The following SKAP1 variants were observed in gnomAD, a reference collection of about 807,000 sequenced individuals.
SKAP1 encodes the protein src kinase associated phosphoprotein 1, also known as src kinase-associated phosphoprotein 1.
Under a neutral mutation model 58.5 loss-of-function variants are expected in SKAP1, and 44 were observed. The observed-to-expected ratio is 0.75, with a 90% CI of 0.59 to 0.97. The LOEUF (loss-of-function observed/expected upper bound fraction) is 0.97. Ranked by LOEUF, SKAP1 falls within the 50% of genes least tolerant of loss-of-function variation. The pLI is 0.00. For synonymous variants in SKAP1, 127 were observed against 149.7 expected (o/e 0.85, Z 1.11); for missense variants, 390 against 435.2 (o/e 0.90, Z 0.92).
chr17:48,230,640 C>T (rs951740910), intron 4 of SKAP1, among the ~76,000 whole-genome samples: 3 of 151,984 alleles, frequency 2.0e-5, no homozygotes, highest in South Asian at 2.1e-4. Context: ...CCTGTAGTCT[C>T]ATCTACTTGG....
intron 2 of SKAP1, among the ~76,000 whole-genome samples, chr17:48,390,653 T>G (rs2067333015): frequency 6.6e-6 from 1 of 152,196 alleles, no homozygotes; most frequent in Admixed American, 6.5e-5. Context: ...ACTGTAAGGG[T>G]GCAAGTTCAG....
At chr17:48,226,853 C>T (rs1464639317) in intron 4 of SKAP1, among the ~76,000 whole-genome samples, 3 of 152,140 alleles carry the variant, frequency 2.0e-5, no homozygotes, top group Non-Finnish European at 4.4e-5. Flanking sequence ...TGAGCTCGCA[C>T]CCTCCACCAA....
intron 5 of SKAP1, 90 bp from the exon 6 acceptor site, chr17:48,188,016 T>A (rs967067447): frequency 1.6e-5 from 15 of 911,534 alleles, no homozygotes; most frequent in Non-Finnish European, 2.6e-5. Flanking sequence ...TCCAGTGTGT[T>A]ATTGTTTTAT....
chr17:48,154,545 C>T (rs1242962047), intron 11 of SKAP1, among the ~76,000 whole-genome samples: 2 of 152,128 alleles, frequency 1.3e-5, no homozygotes, highest in Admixed American at 1.3e-4. Context: ...TTGGAAGAGC[C>T]TCAGACCAAT....
At chr17:48,393,501 G>C (rs1037604289) in intron 2 of SKAP1, among the ~76,000 whole-genome samples, 1 of 152,044 alleles carries the variant, frequency 6.6e-6, no homozygotes, top group Admixed American at 6.6e-5. Flanking sequence ...ATTCACTCTA[G>C]ACAACAAAAA....
intron 4 of SKAP1, among the ~76,000 whole-genome samples, chr17:48,198,988 C>T (rs1003170010): frequency 4.6e-5 from 7 of 152,180 alleles, no homozygotes; most frequent in Admixed American, 4.6e-4. Context: ...GCAAGATCGA[C>T]GTATTCCCCC....
chr17:48,399,547 G>A (rs1200109832), intron 1 of SKAP1, among the ~76,000 whole-genome samples: 1 of 152,072 alleles, frequency 6.6e-6, no homozygotes, highest in Non-Finnish European at 1.5e-5. Flanking sequence ...ATCACTTAAG[G>A]GCAGAAGTTT....
intron 2 of SKAP1, among the ~76,000 whole-genome samples, chr17:48,381,073 G>A (rs2067208336): frequency 6.6e-6 from 1 of 152,130 alleles, no homozygotes; most frequent in Admixed American, 6.5e-5. Flanking sequence ...TTCCTTCTCT[G>A]GGTACAGGGA....
chr17:48,186,854 T>C (rs1208486987), intron 6 of SKAP1, among the ~76,000 whole-genome samples: 3 of 152,166 alleles, frequency 2.0e-5, no homozygotes, highest in Non-Finnish European at 4.4e-5. Context: ...TTATTCCCTA[T>C]ATTGGATATC....
intron 1 of SKAP1, among the ~76,000 whole-genome samples, chr17:48,419,827 T>C (rs2067774332): frequency 6.6e-6 from 1 of 152,210 alleles, no homozygotes; most frequent in Non-Finnish European, 1.5e-5. Context: ...AACATACTCA[T>C]ATTAGAATGT....
At chr17:48,436,632 C>T in the SKAP1 span, among the ~76,000 whole-genome samples, 5 of 152,152 alleles carry the variant, frequency 3.3e-5, no homozygotes, top group African/African-American at 1.2e-4. Context: ...TGCTAACATC[C>T]TTGGTCTTCT....
intron 9 of SKAP1, among the ~76,000 whole-genome samples, chr17:48,177,495 C>CAGCT (rs1206035101): frequency 6.6e-6 from 1 of 152,152 alleles, no homozygotes; most frequent in Non-Finnish European, 1.5e-5. Flanking sequence ...CAAGATCTCA[C>CAGCT]AGCTAGCAGG....
intron 4 of SKAP1, among the ~76,000 whole-genome samples, chr17:48,204,697 C>T (rs1567819551): frequency 6.6e-6 from 1 of 152,100 alleles, no homozygotes; most frequent in Non-Finnish European, 1.5e-5. Context: ...AGACAGGTAC[C>T]TGGGCTGTAT....
rs2067209105 is a variant in SKAP1 at position 48,381,122 on chromosome 17, C to T, written c.152+15558G>A. Among the ~76,000 whole-genome samples the T allele has an allele frequency of 2.6e-5, 4 of 152,192 alleles. No homozygotes were observed. The South Asian group carries it at 8.3e-4, about 31-fold the overall frequency. On this transcript the variant is annotated intron_variant, in intron 2 of 12. Coordinates refer to ENST00000336915, the MANE Select transcript of SKAP1 (RefSeq NM_003726.4). ...TTGACATTCTTATGCTCTTTCTTTGCAACCATTTTCTGCCTTCCAGTGGCC... is the reference window on the plus strand; with the variant it reads ...TTGACATTCTTATGCTCTTTCTTTGTAACCATTTTCTGCCTTCCAGTGGCC...
chr17:48,404,090 G>GA (rs35347144), intron 1 of SKAP1, among the ~76,000 whole-genome samples: 22,230 of 114,806 alleles, frequency 0.19, 1,927 homozygotes, highest in Middle Eastern at 0.23. Flanking sequence ...CTCTGTCTCG[G>GA]AAAAAAAAAA....
intron 4 of SKAP1, among the ~76,000 whole-genome samples, chr17:48,215,183 C>A (rs1054901384): frequency 3.9e-5 from 6 of 152,096 alleles, no homozygotes; most frequent in Non-Finnish European, 8.8e-5. Context: ...AAATAGTCAG[C>A]TATAGATCTA....
intron 4 of SKAP1, among the ~76,000 whole-genome samples, chr17:48,223,140 A>G (rs1382901905): frequency 6.6e-6 from 1 of 151,222 alleles, no homozygotes; most frequent in Non-Finnish European, 1.5e-5. Context: ...TTAAAATGCT[A>G]CCAGATTTTA....
chr17:48,295,589 C>CA (rs2065957498), intron 4 of SKAP1: 2 of 151,232 alleles, frequency 1.3e-5, no homozygotes, highest in Non-Finnish European at 2.9e-5. Context: ...CTTCAGTTTC[C>CA]AAAGCCTCTC....
chr17:48,397,070 C>T (rs1046411007), intron 1 of SKAP1: 4 of 404,610 alleles, frequency 9.9e-6, no homozygotes, highest in Admixed American at 1.3e-4. Flanking sequence ...TTTATATATA[C>T]CTGTAGGTAA....
Sources: gnomAD v4.1 joint callset for allele counts (sites outside exome capture counted in the v4.1 genomes callset) on GRCh38, gnomAD v4.1.1 for gene constraint, MANE v1.5 for transcripts, NCBI Gene and HGNC (gene_info 2026-07-23, HGNC 2026-07-21) for gene names.